The following TANC1 variants were observed in gnomAD, a reference collection of about 807,000 sequenced individuals.
TANC1 encodes protein TANC1.
TANC1 carries 77 observed loss-of-function variants against 149.7 expected under a neutral mutation model. The observed-to-expected ratio is 0.51, with a 90% CI of 0.43 to 0.62. The LOEUF (loss-of-function observed/expected upper bound fraction) is 0.62. TANC1 is among the 20% of genes least tolerant of loss of function. TANC1 has a pLI of 0.00. For missense variants in TANC1, 1,985 were observed against 2,321.8 expected, an observed-to-expected ratio of 0.85 and a Z score of 2.98; for synonymous variants, 854 against 925.0, an observed-to-expected ratio of 0.92 and a Z score of 1.39.
intron 2 of TANC1, among the ~76,000 whole-genome samples, chr2:159,057,311 A>G (rs930549749): frequency 6.6e-6 from 1 of 152,232 alleles, no homozygotes; most frequent in Non-Finnish European, 1.5e-5. Context: ...TTGTAGACAA[A>G]ATGGAGGCAT....
intron 2 of TANC1, among the ~76,000 whole-genome samples, chr2:159,037,344 G>A (rs960426757): frequency 1.2e-4 from 19 of 152,218 alleles, no homozygotes; most frequent in African/African-American, 3.9e-4. Flanking sequence ...TTCTTTTGCT[G>A]TGCAGAAGCT....
Position 159,143,368 on chromosome 2 carries a change from T to TTGGTAAAAGATCC in TANC1, c.365-5774_365-5773insTGGTAAAAGATCC, listed in dbSNP as rs2051651909. On this transcript the variant is annotated intron_variant, in intron 5 of 26. Coordinates refer to ENST00000263635, the MANE Select transcript of TANC1 (RefSeq NM_033394.3). ...GCATGGGTAAAAGATCCATTTACAGTATAAAACAGACCATTGGATCTTACT... is the reference window on the plus strand; with the variant it reads ...GCATGGGTAAAAGATCCATTTACAGTTGGTAAAAGATCCATAAAACAGACCATTGGATCTTACT... 3.3e-5 allele frequency among the ~76,000 whole-genome samples: 5 copies of TTGGTAAAAGATCC among 152,050 alleles called. No homozygotes were observed. The East Asian group carries it at 9.6e-4, about 29-fold the overall frequency.
At position 158,995,680 on chromosome 2, in the gene TANC1, C is replaced by T. The variant is rs12328704; in HGVS notation, c.-125-5400C>T. 4.2e-3 allele frequency among the ~76,000 whole-genome samples: 640 copies of T among 152,338 alleles called. 3 individuals carry two copies. The highest frequency in any genetic ancestry group is 0.015 in the African/African-American group (621 of 41,584). On this transcript the variant is annotated intron_variant, in intron 1 of 26. Transcript: ENST00000263635. The stretch of plus-strand genomic sequence containing the variant: ...TTCATTTTGCCTCCCTTCCTCCTCC[C>T]TGCCTCTATTTAAATCTTTCCTGTT...
intron 3 of TANC1, among the ~76,000 whole-genome samples, chr2:159,087,018 A>G (rs1018859756): frequency 6.6e-6 from 1 of 151,982 alleles, no homozygotes; most frequent in African/African-American, 2.4e-5. Context: ...TTCCTTGCCC[A>G]GCATCCCAAT....
chr2:159,030,387 G>T (rs1409455016), intron 2 of TANC1, among the ~76,000 whole-genome samples: 1 of 152,106 alleles, frequency 6.6e-6, no homozygotes, highest in African/African-American at 2.4e-5. Context: ...ACCAGCTAGG[G>T]TTTTTGTCTG....
chr2:159,097,154 G>A (rs547443812), intron 3 of TANC1, among the ~76,000 whole-genome samples: 36 of 152,192 alleles, frequency 2.4e-4, no homozygotes, highest in African/African-American at 7.7e-4. Flanking sequence ...GCCAAGGGAT[G>A]GTGCTGGGGA....
chr2:159,187,113 G>A lies in TANC1; in HGVS notation c.2742+89G>A, dbSNP rs564261136. 2.5e-5 allele frequency: 38 copies of A among 1,509,174 alleles called. No homozygotes were observed. The South Asian group carries it at 4.4e-4, about 18-fold the overall frequency. 93.5% of individuals were successfully genotyped at this position (1,509,174 alleles called of 1,614,324 possible). A position where few individuals can be genotyped will look rare whatever the true frequency, so the allele number is the denominator to read the frequency against. ...AACAGCCCTGTTTCCCTCTGCCCTG[G>A]GTGGTGGTGAGAGGACGCAGAGGAG... On this transcript the variant is annotated intron_variant, in intron 16 of 26. Coordinates refer to ENST00000263635, the MANE Select transcript of TANC1 (RefSeq NM_033394.3).
chr2:159,075,655 A>G (rs578210220), intron 3 of TANC1, among the ~76,000 whole-genome samples: 1 of 152,280 alleles, frequency 6.6e-6, no homozygotes, highest in East Asian at 1.9e-4. Context: ...TTTTTGCTTT[A>G]TCTTTTTTAA....
chr2:159,067,509 G>T (rs2042774377), intron 3 of TANC1, among the ~76,000 whole-genome samples: 1 of 152,148 alleles, frequency 6.6e-6, no homozygotes, highest in South Asian at 2.1e-4. Context: ...CCATCCAGGG[G>T]GACATTCACC....
chr2:159,107,042 T>C (rs569497491), intron 4 of TANC1, among the ~76,000 whole-genome samples: 2 of 152,044 alleles, frequency 1.3e-5, no homozygotes, highest in East Asian at 3.9e-4. Context: ...TTGTTTGTTT[T>C]TGAGACGGAG....
intron 16 of TANC1, among the ~76,000 whole-genome samples, chr2:159,190,396 G>A (rs1248917705): frequency 2.0e-5 from 3 of 152,156 alleles, no homozygotes; most frequent in Admixed American, 6.6e-5. Flanking sequence ...GTGGCATTGC[G>A]TGTATTTCCA....
chr2:158,977,063 C>T (rs1197835764), intron 1 of TANC1, among the ~76,000 whole-genome samples: 2 of 152,088 alleles, frequency 1.3e-5, no homozygotes, highest in Admixed American at 1.3e-4. Context: ...TAAATTAATA[C>T]AATTTATAAT....
At chr2:159,006,680 TAGAAA>T (rs2149353785) in intron 2 of TANC1, among the ~76,000 whole-genome samples, 1 of 152,322 alleles carries the variant, frequency 6.6e-6, no homozygotes, top group South Asian at 2.1e-4. Flanking sequence ...ACATCTGGTT[TAGAAA>T]GGGTAATCTA....
chr2:159,066,120 G>A (rs2042638135), intron 3 of TANC1, 149 bp downstream of exon 3: 1 of 697,940 alleles, frequency 1.4e-6, no homozygotes, highest in African/African-American at 1.8e-5. Context: ...TATGAGAAAT[G>A]AAATAGGCCA....
At chr2:159,188,283 G>A (rs1163220279) in intron 16 of TANC1, among the ~76,000 whole-genome samples, 1 of 152,246 alleles carries the variant, frequency 6.6e-6, no homozygotes, top group East Asian at 1.9e-4. Context: ...ATACAGGAAT[G>A]AATGTCATTT....
intron 1 of TANC1, among the ~76,000 whole-genome samples, chr2:158,973,568 G>A (rs2033211189): frequency 6.6e-6 from 1 of 152,196 alleles, no homozygotes; most frequent in Non-Finnish European, 1.5e-5. Context: ...GAAAGCCCTG[G>A]AGGGAACCCG....
chr2:159,106,155 T>A (rs1487205523), intron 4 of TANC1, among the ~76,000 whole-genome samples: 3 of 152,192 alleles, frequency 2.0e-5, no homozygotes. Context: ...ATTCACCCAT[T>A]TAAAGTTTAC....
At chr2:159,204,895 G>A (rs750028546) in intron 19 of TANC1, among the ~76,000 whole-genome samples, 41 of 152,346 alleles carry the variant, frequency 2.7e-4, no homozygotes, top group East Asian at 7.7e-4. Context: ...TAGCTGCGTC[G>A]TAGGCCTCCC....
At chr2:159,097,972 T>G (rs75558164) in intron 4 of TANC1, 138 bp downstream of exon 4, 21 of 530,546 alleles carry the variant, frequency 4.0e-5, no homozygotes, top group Middle Eastern at 5.7e-4. Context: ...AAATAAATCT[T>G]TTTTTTTTTT....
Sources: allele counts gnomAD v4.1 joint callset (sites outside exome capture counted in the v4.1 genomes callset), GRCh38; gene constraint gnomAD v4.1.1; transcripts MANE v1.5; gene names NCBI Gene and HGNC (gene_info 2026-07-23, HGNC 2026-07-21).